Variants in KIF4A observed in about 807,000 individuals in gnomAD.
KIF4A encodes chromosome-associated kinesin KIF4A.
In KIF4A, 7 loss-of-function variants were observed where a neutral mutation model predicts 105.9. The ratio of observed to expected loss-of-function variants is 0.07; its 90% CI spans 0.04 to 0.12. The LOEUF (loss-of-function observed/expected upper bound fraction) is 0.12. KIF4A is among the 10% of genes least tolerant of loss of function. KIF4A has a pLI of 1.00. For missense variants in KIF4A, 558 were observed against 929.2 expected (o/e 0.60, Z 5.19); for synonymous variants, 281 against 331.3 (o/e 0.85, Z 1.65).
chrX:70,307,370 A>G (rs1030558353), intron 7 of KIF4A, among the ~76,000 whole-genome samples: 5 of 111,178 alleles, frequency 4.5e-5, no homozygotes, highest in African/African-American at 1.6e-4. Flanking sequence ...ATGCTTTAGG[A>G]TTTCTGTGTA....
At chrX:70,299,624 T>G (rs774185171) in intron 5 of KIF4A, among the ~76,000 whole-genome samples, 180 of 111,598 alleles carry the variant, frequency 1.6e-3, no homozygotes, top group Non-Finnish European at 2.8e-3. Context: ...TAACCATGTT[T>G]GAGAGCACAG....
chrX:70,368,693 G>T (rs962150066), intron 15 of KIF4A, among the ~76,000 whole-genome samples: 1 of 112,208 alleles, frequency 8.9e-6, no homozygotes, highest in African/African-American at 3.2e-5. Context: ...CTACTCAGGG[G>T]TCAGGGACCC....
intron 3 of KIF4A, among the ~76,000 whole-genome samples, chrX:70,295,321 G>T (rs1466533661): frequency 9.2e-6 from 1 of 108,741 alleles, no homozygotes; most frequent in African/African-American, 3.4e-5. Flanking sequence ...GACCACAGGC[G>T]CCCACCATCA....
chrX:70,389,539 C>G (rs1264892649), intron 20 of KIF4A, among the ~76,000 whole-genome samples: 1 of 112,798 alleles, frequency 8.9e-6, no homozygotes, highest in Non-Finnish European at 1.9e-5. Context: ...CTGCACTCCA[C>G]CTGGGTGATA....
At chrX:70,384,583 G>A (rs1238781827) in intron 18 of KIF4A, among the ~76,000 whole-genome samples, 3 of 109,607 alleles carry the variant, frequency 2.7e-5, no homozygotes, top group Non-Finnish European at 5.7e-5. Context: ...AATTAGCCAG[G>A]CACGGTGGCA....
chrX:70,359,995 G>A (rs2086068177), intron 15 of KIF4A, among the ~76,000 whole-genome samples: 1 of 111,335 alleles, frequency 9.0e-6, no homozygotes, highest in African/African-American at 3.3e-5. Flanking sequence ...TGCTTGGGCT[G>A]GGGTCCTGCC....
intron 15 of KIF4A, among the ~76,000 whole-genome samples, chrX:70,368,663 G>C (rs1006041640): frequency 8.9e-6 from 1 of 111,994 alleles, no homozygotes; most frequent in South Asian, 3.7e-4. Flanking sequence ...GCCCCTCCTG[G>C]GGGGTGCCTC....
At position 70,297,439 on chromosome X, in the gene KIF4A, C is replaced by G. The variant is rs943230700; in HGVS notation, c.426+251C>G. Among the ~76,000 whole-genome samples, 11 of 111,993 alleles carry G rather than the reference C, an allele frequency of 9.8e-5. No individual in the cohort carries two copies. The Admixed American group carries it at 1.0e-3, about 11-fold the overall frequency. ...AAAAGGTGATAGGAATTCTTTAATT[C>G]CAGTTTGGCCTCTGTTACTGATTAC... On this transcript the variant is annotated intron_variant, in intron 4 of 30. Coordinates refer to ENST00000374403, the MANE Select transcript of KIF4A (RefSeq NM_012310.5).
intron 7 of KIF4A, among the ~76,000 whole-genome samples, chrX:70,317,296 A>C (rs1299714849): frequency 1.8e-5 from 2 of 111,866 alleles, no homozygotes; most frequent in Non-Finnish European, 3.8e-5. Context: ...TACACTGCTT[A>C]GCAATACATG....
chrX:70,407,781 T>C (rs1258752265), intron 28 of KIF4A, among the ~76,000 whole-genome samples: 2 of 112,122 alleles, frequency 1.8e-5, no homozygotes, highest in Non-Finnish European at 3.8e-5. Context: ...AAAAATCCAG[T>C]GAAGGGCCAG....
intron 8 of KIF4A, 121 bp downstream of exon 8, chrX:70,329,642 A>T: frequency 3.8e-6 from 2 of 532,964 alleles, no homozygotes; most frequent in Non-Finnish European, 6.2e-6. Flanking sequence ...TGTCTAATTG[A>T]TAAATACGAG....
intron 22 of KIF4A, among the ~76,000 whole-genome samples, chrX:70,400,768 T>G (rs189971401): frequency 0.017 from 1,898 of 111,371 alleles, 21 homozygotes; most frequent in Middle Eastern, 0.041. Context: ...TTTATGTTTT[T>G]TTTTTGTTTT....
At position 70,419,785 on chromosome X, in the gene KIF4A, T is replaced by A; in HGVS notation, c.3495+2T>A. On this transcript the variant is annotated splice_donor_variant, in intron 30 of 30. Coordinates refer to ENST00000374403, the MANE Select transcript of KIF4A (RefSeq NM_012310.5). LOFTEE classifies it high-confidence loss of function. ...GTCTGTGCCACCCCCAATAGCAAGG[T>A]AGGTGGGCTAAAAGGCAGGCATTGG... 1 of 1,210,624 alleles carries A rather than the reference T, an allele frequency of 8.3e-7. No homozygotes were observed.
At chrX:70,407,397 G>A (rs1218612268) in intron 28 of KIF4A, among the ~76,000 whole-genome samples, 2 of 111,724 alleles carry the variant, frequency 1.8e-5, no homozygotes, top group African/African-American at 3.3e-5. Flanking sequence ...GTGAGCCACC[G>A]TGCCCGGCCT....
At chrX:70,373,196 C>A (rs183811640) in intron 15 of KIF4A, among the ~76,000 whole-genome samples, 1 of 107,747 alleles carries the variant, frequency 9.3e-6, no homozygotes, top group Admixed American at 1.0e-4. Flanking sequence ...CACTTGAGCC[C>A]GGGAGATAAA....
intron 9 of KIF4A, among the ~76,000 whole-genome samples, chrX:70,332,506 G>T (rs748974125): frequency 1.8e-5 from 2 of 111,377 alleles, no homozygotes; most frequent in African/African-American, 6.5e-5. Flanking sequence ...ACCGAGTGGC[G>T]AGCGAAAGGA....
At chrX:70,316,906 C>A (rs952099644) in intron 7 of KIF4A, among the ~76,000 whole-genome samples, 1 of 112,170 alleles carries the variant, frequency 8.9e-6, no homozygotes, top group Admixed American at 9.4e-5. Flanking sequence ...ATGGAATATA[C>A]CTATATTAGA....
At chrX:70,412,749 C>A (rs1209709178) in intron 28 of KIF4A, among the ~76,000 whole-genome samples, 1 of 110,396 alleles carries the variant, frequency 9.1e-6, no homozygotes, top group Non-Finnish European at 1.9e-5. Context: ...GTGGTGAAAC[C>A]CTGTCTCTAC....
At position 70,420,349 on chromosome X, in the gene KIF4A, T is replaced by C; in HGVS notation, c.*84T>C. The C allele has an allele frequency of 9.3e-7, 1 of 1,077,516 alleles. No individual in the cohort carries two copies. Among genetic ancestry groups the C allele is most frequent in the Admixed American group, 3.5e-5 (1 of 28,389 alleles). 88.8% of individuals were successfully genotyped at this position (1,077,516 alleles called of 1,213,427 possible). ...CAGAAGGGGTTTTTTAAATGACTTCTCTGGATTTCAGGTTTCTTGCTGTTG... is the reference window on the plus strand; with the variant it reads ...CAGAAGGGGTTTTTTAAATGACTTCCCTGGATTTCAGGTTTCTTGCTGTTG... On this transcript the variant is annotated 3_prime_UTR_variant, in exon 31 of 31. Coordinates refer to ENST00000374403, the MANE Select transcript of KIF4A (RefSeq NM_012310.5).
Sources: allele counts gnomAD v4.1 joint callset (sites outside exome capture counted in the v4.1 genomes callset), GRCh38; gene constraint gnomAD v4.1.1; transcripts MANE v1.5; gene names NCBI Gene and HGNC (gene_info 2026-07-23, HGNC 2026-07-21).